ATP9B: variants seen among roughly 807,000 people sequenced by gnomAD.
ATP9B encodes ATPase phospholipid transporting 9B.
In ATP9B, 110 loss-of-function variants were observed where a neutral mutation model predicts 146.1. The ratio of observed to expected loss-of-function variants is 0.75; its 90% CI spans 0.65 to 0.88. The LOEUF is 0.88. Among genes scored for constraint, ATP9B ranks in the 40% least tolerant of loss-of-function variants. The pLI is 0.00. For missense variants in ATP9B, 1,499 were observed against 1,496.4 expected (o/e 1.00, Z -0.03); for synonymous variants, 604 against 569.7 (o/e 1.06, Z -0.86).
chr18:79,337,553 TGA>T, intron 19 of ATP9B, 104 bp downstream of exon 19: 1 of 1,450,460 alleles, frequency 6.9e-7, no homozygotes, highest in East Asian at 2.4e-5. Context: ...GTCATGGATG[TGA>T]GAGAGCTCTG....
At chr18:79,247,843 A>G (rs2095983653) in intron 11 of ATP9B, among the ~76,000 whole-genome samples, 1 of 152,220 alleles carries the variant, frequency 6.6e-6, no homozygotes, top group Non-Finnish European at 1.5e-5. Context: ...AAAAAGCTTA[A>G]ATTCTGAGTA....
At chr18:79,142,385 G>C (rs2094524515) in intron 5 of ATP9B, among the ~76,000 whole-genome samples, 1 of 152,180 alleles carries the variant, frequency 6.6e-6, no homozygotes, top group Non-Finnish European at 1.5e-5. Context: ...TGTTATGACT[G>C]TAGTGTTTCT....
At chr18:79,243,440 T>C (rs2144756427) in intron 11 of ATP9B, among the ~76,000 whole-genome samples, 1 of 152,350 alleles carries the variant, frequency 6.6e-6, no homozygotes, top group South Asian at 2.1e-4. Context: ...TAGTTTTACA[T>C]AGTGGTAGGT....
intron 13 of ATP9B, among the ~76,000 whole-genome samples, chr18:79,283,008 C>T (rs1358093577): frequency 6.6e-6 from 1 of 152,208 alleles, no homozygotes; most frequent in African/African-American, 2.4e-5. Flanking sequence ...CTGGTTTTGC[C>T]CCCTTGCCTT....
At chr18:79,093,523 G>A (rs1296252611) in intron 1 of ATP9B, among the ~76,000 whole-genome samples, 14 of 152,034 alleles carry the variant, frequency 9.2e-5, no homozygotes, top group Non-Finnish European at 1.9e-4. Flanking sequence ...TCTTTATGTA[G>A]GTATCTTTGA....
rs2095266806 is a variant in ATP9B at position 79,182,918 on chromosome 18, G to C, written c.873+6011G>C. Among the ~76,000 whole-genome samples the C allele has an allele frequency of 2.0e-5, 3 of 152,206 alleles. No homozygotes were observed. In the South Asian group the frequency reaches 6.2e-4, roughly 31 times the overall value. ...TCAGGGGCATTCCTTTAAAAAAGAA[G>C]TGGATGTCAATTTTGAGTCCTGATT... On this transcript the variant is annotated intron_variant, in intron 8 of 29. Transcript: ENST00000426216.
At chr18:79,071,056 T>C (rs376619289) in intron 1 of ATP9B, among the ~76,000 whole-genome samples, 8 of 116,046 alleles carry the variant, frequency 6.9e-5, no homozygotes, top group African/African-American at 1.7e-4. Context: ...TTTCTTTTTT[T>C]TTTTTTTTTT....
At position 79,307,243 on chromosome 18, in the gene ATP9B, A is replaced by G; in HGVS notation, c.1773+9A>G. 2 of 1,614,064 alleles carry G rather than the reference A, an allele frequency of 1.2e-6. No homozygotes were observed. Among genetic ancestry groups the G allele is most frequent in the Non-Finnish European group, 1.7e-6 (2 of 1,179,934 alleles). On this transcript the variant is annotated intron_variant, in intron 15 of 29. Coordinates refer to ENST00000426216, the MANE Select transcript of ATP9B (RefSeq NM_198531.5). ...CTTCCAGCCCGGATGAGGTCAGTCAAAGCACAAAACCGTGGGAGCTTGTCC... is the reference window on the plus strand; with the variant it reads ...CTTCCAGCCCGGATGAGGTCAGTCAGAGCACAAAACCGTGGGAGCTTGTCC...
chr18:79,207,831 A>G (rs1420413163), intron 10 of ATP9B, among the ~76,000 whole-genome samples: 2 of 152,118 alleles, frequency 1.3e-5, no homozygotes, highest in African/African-American at 4.8e-5. Context: ...AGGCGGTTCC[A>G]TATCCTGTCC....
intron 6 of ATP9B, chr18:79,145,169 T>G (rs1599876286): frequency 8.6e-6 from 1 of 115,850 alleles, no homozygotes; most frequent in African/African-American, 6.5e-5. Context: ...AGGCTGCATG[T>G]CGGAGCTGGC....
rs142780832 is a variant in ATP9B at position 79,301,104 on chromosome 18, A to G, written c.1412-2500A>G. Among the ~76,000 whole-genome samples the G allele has an allele frequency of 1.0e-2, 1,519 of 152,332 alleles. 19 individuals are homozygous for G. Among genetic ancestry groups the G allele is most frequent in the African/African-American group, 0.034 (1,430 of 41,564 alleles). On this transcript the variant is annotated intron_variant, in intron 13 of 29. Transcript: ENST00000426216. ...CACACATAATAGAGGCAAACTTGGT[A>G]CTTACCCTAATATGAATTAATGTAA...
intron 15 of ATP9B, among the ~76,000 whole-genome samples, chr18:79,317,210 A>G (rs748454261): frequency 2.2e-4 from 34 of 152,226 alleles, no homozygotes; most frequent in Non-Finnish European, 4.4e-4. Context: ...AAGTTTGGCA[A>G]TGATGTCTAA....
At chr18:79,170,843 A>T (rs914229346) in intron 7 of ATP9B, among the ~76,000 whole-genome samples, 2 of 152,198 alleles carry the variant, frequency 1.3e-5, no homozygotes, top group African/African-American at 4.8e-5. Flanking sequence ...TGTGACGCCA[A>T]ATTTATTCAG....
chr18:79,345,152 C>T (rs1347389330), intron 21 of ATP9B, among the ~76,000 whole-genome samples: 1 of 152,132 alleles, frequency 6.6e-6, no homozygotes, highest in Non-Finnish European at 1.5e-5. Flanking sequence ...AAGGTCATGT[C>T]GTAGCTCAAA....
chr18:79,096,743 C>T (rs1599507683), intron 2 of ATP9B, 94 bp downstream of exon 2: 2 of 1,000,838 alleles, frequency 2.0e-6, no homozygotes, highest in East Asian at 5.4e-5. Flanking sequence ...AATATAAAAA[C>T]TCAAGGAGAT....
chr18:79,076,128 A>G lies in ATP9B; in HGVS notation c.119+6599A>G, dbSNP rs532593670. 1.3e-3 allele frequency among the ~76,000 whole-genome samples: 203 copies of G among 152,312 alleles called. 2 individuals carry two copies. Among genetic ancestry groups the G allele is most frequent in the African/African-American group, 4.8e-3 (201 of 41,570 alleles). The stretch of plus-strand genomic sequence containing the variant: ...GATTTTACATATGTAAAAGTATATA[A>G]ATATTTCCCTTATATACAATTAGAA... On this transcript the variant is annotated intron_variant, in intron 1 of 29. Transcript: ENST00000426216.
chr18:79,348,063 C>G, intron 24 of ATP9B, 69 bp from the exon 25 acceptor site: 2 of 1,606,450 alleles, frequency 1.2e-6, no homozygotes, highest in Non-Finnish European at 1.7e-6. Flanking sequence ...AGCGAGGCCC[C>G]TGAGAGGCTT....
At chr18:79,201,631 C>T (rs903077067) in intron 9 of ATP9B, among the ~76,000 whole-genome samples, 27 of 152,018 alleles carry the variant, frequency 1.8e-4, no homozygotes, top group Admixed American at 9.8e-4. Context: ...AGTGCAGTGG[C>T]GTGATCTCGG....
intron 11 of ATP9B, among the ~76,000 whole-genome samples, chr18:79,235,626 C>G (rs1202728257): frequency 6.8e-6 from 1 of 146,378 alleles, no homozygotes; most frequent in South Asian, 2.1e-4. Context: ...CGAGCACCCA[C>G]TCATGGTGCG....
Sources: allele counts gnomAD v4.1 joint callset (sites outside exome capture counted in the v4.1 genomes callset), GRCh38; gene constraint gnomAD v4.1.1; transcripts MANE v1.5; gene names NCBI Gene and HGNC (gene_info 2026-07-23, HGNC 2026-07-21).